KATNAL1: variants seen among roughly 807,000 people sequenced by gnomAD.
KATNAL1 encodes katanin catalytic subunit A1 like 1, also known as katanin p60 ATPase-containing subunit A-like 1.
Under a neutral mutation model 55.2 loss-of-function variants are expected in KATNAL1, and 32 were observed. That is an observed-to-expected ratio of 0.58 (90% CI 0.44 to 0.78). KATNAL1 has a LOEUF of 0.78. KATNAL1 is among the 30% of genes least tolerant of loss of function. KATNAL1 has a pLI of 0.00. For synonymous variants in KATNAL1, 193 were observed against 193.6 expected, an observed-to-expected ratio of 1.00 and a Z score of 0.02; for missense variants, 466 against 600.9, an observed-to-expected ratio of 0.78 and a Z score of 2.35.
intron 3 of KATNAL1, among the ~76,000 whole-genome samples, chr13:30,268,432 G>A (rs764006698): frequency 8.3e-4 from 126 of 152,138 alleles, no homozygotes; most frequent in Non-Finnish European, 1.5e-3. Flanking sequence ...AGATGCACAA[G>A]TCTTAAGTAG....
intron 3 of KATNAL1, among the ~76,000 whole-genome samples, chr13:30,257,167 G>GT (rs149850064): frequency 0.023 from 3,458 of 151,544 alleles, 70 homozygotes; most frequent in Non-Finnish European, 0.035. Context: ...TGTGACCACT[G>GT]TTTTTTGACC....
At chr13:30,238,529 T>A (rs1022500613) in intron 6 of KATNAL1, among the ~76,000 whole-genome samples, 3 of 152,174 alleles carry the variant, frequency 2.0e-5, no homozygotes, top group African/African-American at 7.2e-5. Context: ...ACATCATTCA[T>A]CCCCCTCTAA....
Position 30,203,188 on chromosome 13 carries a change from A to C in KATNAL1, c.*5352T>G, listed in dbSNP as rs1357463663. On this transcript the variant is annotated 3_prime_UTR_variant, in exon 11 of 11. Transcript: ENST00000380615. ...ACGGGAAAAGTAATTCAGACATTTC[A>C]CAGAGGCCTTATTTGGAATACAAAC... The C allele has an allele frequency of 6.6e-6, 1 of 152,264 alleles. No individual in the cohort carries two copies. The highest frequency in any genetic ancestry group is 1.5e-5 in the Non-Finnish European group (1 of 68,048). The allele number at this position is 152,264 out of a possible 1,614,324, so 9.4% of individuals were successfully genotyped here. A position where few individuals can be genotyped will look rare whatever the true frequency, so the allele number is the denominator to read the frequency against.
intron 4 of KATNAL1, 87 bp from the exon 5 acceptor site, chr13:30,241,173 C>CA: frequency 8.7e-7 from 1 of 1,146,514 alleles, no homozygotes; most frequent in Non-Finnish European, 1.2e-6. Flanking sequence ...ATAATGCCAT[C>CA]ACTTTCTAAA....
intron 1 of KATNAL1, among the ~76,000 whole-genome samples, chr13:30,303,045 A>T (rs893504274): frequency 6.6e-6 from 1 of 152,256 alleles, no homozygotes; most frequent in Non-Finnish European, 1.5e-5. Context: ...GCAAAATATT[A>T]AAAAGAATAA....
chr13:30,267,883 T>C (rs529399282), intron 3 of KATNAL1, among the ~76,000 whole-genome samples: 1 of 152,300 alleles, frequency 6.6e-6, no homozygotes, highest in South Asian at 2.1e-4. Flanking sequence ...AAGTGAGATC[T>C]GAGACAGGGT....
At chr13:30,227,582 C>G in intron 8 of KATNAL1, 36 bp from the exon 9 acceptor site, 1 of 1,581,114 alleles carries the variant, frequency 6.3e-7, no homozygotes. Flanking sequence ...TAGTGTTTTT[C>G]TTACAACTCT....
chr13:30,280,155 T>C lies in KATNAL1; in HGVS notation c.231A>G (p.Lys77=). Residue 77 remains lysine (K), a synonymous_variant, in exon 3 of 11, where the codon AAA becomes AAG. Coordinates refer to ENST00000380615, the MANE Select transcript of KATNAL1 (RefSeq NM_032116.5). ...KSIVSTLESF[K]IDKPPDFPVS... ...CAGGGAAATCTGGAGGCTTGTCAATTTTAAAACTTTCTAAAGTGCTGACAA... is the reference window on the plus strand; with the variant it reads ...CAGGGAAATCTGGAGGCTTGTCAATCTTAAAACTTTCTAAAGTGCTGACAA... 1.2e-6 allele frequency: 2 copies of C among 1,613,602 alleles called. No individual in the cohort carries two copies. The highest frequency in any genetic ancestry group is 1.7e-6 in the Non-Finnish European group (2 of 1,179,756).
chr13:30,303,874 C>G (rs1488180000), intron 1 of KATNAL1, among the ~76,000 whole-genome samples: 1 of 152,158 alleles, frequency 6.6e-6, no homozygotes, highest in East Asian at 1.9e-4. Flanking sequence ...TGTAATATAA[C>G]TACTACCTGA....
intron 1 of KATNAL1, among the ~76,000 whole-genome samples, chr13:30,303,441 T>C (rs1012954204): frequency 7.2e-5 from 11 of 152,194 alleles, no homozygotes; most frequent in Non-Finnish European, 1.2e-4. Context: ...GCCACATGCC[T>C]GAAATCCCAG....
At chr13:30,283,001 G>T (rs1162197039) in intron 2 of KATNAL1, among the ~76,000 whole-genome samples, 4 of 149,808 alleles carry the variant, frequency 2.7e-5, no homozygotes, top group South Asian at 2.1e-4. Flanking sequence ...CAGGTACAGC[G>T]GCTCACGCTT....
chr13:30,304,517 C>T (rs1172354382), intron 1 of KATNAL1, among the ~76,000 whole-genome samples: 1 of 152,204 alleles, frequency 6.6e-6, no homozygotes, highest in Non-Finnish European at 1.5e-5. Context: ...ATCTGCCCGC[C>T]TCAGCCTTCC....
chr13:30,256,419 C>A lies in KATNAL1; in HGVS notation c.324-804G>T, dbSNP rs759811146. On this transcript the variant is annotated intron_variant, in intron 3 of 10. Transcript: ENST00000380615. ...TATCACTTCGTGTCTAATCTTAGTT[C>A]TCTCTTGAAATGTCTCTACCTCTGT... 3.9e-5 allele frequency among the ~76,000 whole-genome samples: 6 copies of A among 152,266 alleles called. No individual in the cohort carries two copies. The South Asian group carries it at 6.2e-4, about 16-fold the overall frequency.
chr13:30,219,051 A>T (rs977193906), intron 9 of KATNAL1, among the ~76,000 whole-genome samples: 1 of 152,228 alleles, frequency 6.6e-6, no homozygotes, highest in African/African-American at 2.4e-5. Context: ...ATTACATCTA[A>T]TTACATTAGA....
chr13:30,304,127 T>G lies in KATNAL1; in HGVS notation c.-15+3204A>C, dbSNP rs754555416. 3.3e-5 allele frequency among the ~76,000 whole-genome samples: 5 copies of G among 152,346 alleles called. No homozygotes were observed. The South Asian group carries it at 1.0e-3, about 32-fold the overall frequency. On this transcript the variant is annotated intron_variant, in intron 1 of 10. Transcript: ENST00000380615. ...TGCCTATGATCATGCAGAAAATAAGTTGGAGACACAAAATTAGACAACTTA... is the reference window on the plus strand; with the variant it reads ...TGCCTATGATCATGCAGAAAATAAGGTGGAGACACAAAATTAGACAACTTA...
At chr13:30,257,162 C>T (rs1878863731) in intron 3 of KATNAL1, among the ~76,000 whole-genome samples, 1 of 151,254 alleles carries the variant, frequency 6.6e-6, no homozygotes, top group African/African-American at 2.4e-5. Flanking sequence ...TTCAATGTGA[C>T]CACTGTTTTT....
At chr13:30,237,126 T>A (rs972428119) in intron 6 of KATNAL1, among the ~76,000 whole-genome samples, 2 of 152,196 alleles carry the variant, frequency 1.3e-5, no homozygotes, top group Non-Finnish European at 2.9e-5. Context: ...ACATGCTTAA[T>A]CACCCAAAGA....
chr13:30,296,793 C>T, intron 1 of KATNAL1: 1 of 426,594 alleles, frequency 2.3e-6, no homozygotes, highest in Non-Finnish European at 4.6e-6. Context: ...TGGGTGCTCA[C>T]CTGTGCCCCT....
intron 9 of KATNAL1, among the ~76,000 whole-genome samples, chr13:30,217,817 A>G (rs1237874398): frequency 1.3e-5 from 2 of 152,132 alleles, no homozygotes; most frequent in Non-Finnish European, 2.9e-5. Context: ...AGCCTGGCCC[A>G]TGGTAAATAC....
Sources: gnomAD v4.1 joint callset for allele counts (sites outside exome capture counted in the v4.1 genomes callset) on GRCh38, gnomAD v4.1.1 for gene constraint, MANE v1.5 for transcripts, NCBI Gene and HGNC (gene_info 2026-07-23, HGNC 2026-07-21) for gene names.